PCDHGA9: variants seen among roughly 807,000 people sequenced by gnomAD.
PCDHGA9 encodes the protein protocadherin gamma-A9.
A neutral mutation model predicts 62.5 loss-of-function variants in PCDHGA9; 37 were observed. The ratio of observed to expected loss-of-function variants is 0.59; its 90% CI spans 0.46 to 0.78. PCDHGA9 has a LOEUF of 0.78. Among genes scored for constraint, PCDHGA9 ranks in the 30% least tolerant of loss-of-function variants. PCDHGA9 has a pLI of 0.00. For missense variants in PCDHGA9, 1,138 were observed against 1,166.2 expected (o/e 0.98, Z 0.35); for synonymous variants, 459 against 484.6 (o/e 0.95, Z 0.69).
chr5:141,484,709 C>G (rs1223957454), intron 1 of PCDHGA9, among the ~76,000 whole-genome samples: 1 of 151,072 alleles, frequency 6.6e-6, no homozygotes, highest in Non-Finnish European at 1.5e-5. Context: ...TTTTCCCCGC[C>G]GAAAAGGGGC....
intron 1 of PCDHGA9, among the ~76,000 whole-genome samples, chr5:141,447,233 G>A (rs565398752): frequency 2.6e-5 from 4 of 152,028 alleles, no homozygotes; most frequent in Non-Finnish European, 4.4e-5. Flanking sequence ...TCCGCCTCCC[G>A]GGTTCAAGTG....
chr5:141,453,287 A>T (rs900058377), intron 1 of PCDHGA9, among the ~76,000 whole-genome samples: 1 of 151,368 alleles, frequency 6.6e-6, no homozygotes, highest in Non-Finnish European at 1.5e-5. Context: ...CTAATTTTTT[A>T]ATTATTTATT....
chr5:141,490,009 A>T lies in PCDHGA9; in HGVS notation c.2425-4798A>T. Reference sequence around the variant, plus strand: ...TGTGGGAATCCCAGAGAATGCACCCATTGGTACTCTGCTGCTCCGCCTCAA... The same window carrying T: ...TGTGGGAATCCCAGAGAATGCACCCTTTGGTACTCTGCTGCTCCGCCTCAA... On this transcript the variant is annotated intron_variant, in intron 1 of 3. Transcript: ENST00000573521. The surrounding 1 kb of genome is among the most constrained non-coding windows in gnomAD (Gnocchi z 5.4). 5 of 1,614,214 alleles carry T rather than the reference A, an allele frequency of 3.1e-6. No individual in the cohort carries two copies. The highest frequency in any genetic ancestry group is 4.2e-6 in the Non-Finnish European group (5 of 1,180,032).
chr5:141,494,468 C>G (rs2099754577), intron 1 of PCDHGA9, among the ~76,000 whole-genome samples: 1 of 152,136 alleles, frequency 6.6e-6, no homozygotes, highest in East Asian at 1.9e-4. Context: ...TGCACCTCTT[C>G]CCCCAGTTCC....
At position 141,410,750 on chromosome 5, in the gene PCDHGA9, A is replaced by G. The variant is rs1256862831; in HGVS notation, c.2424+5374A>G. Reference sequence around the variant, plus strand: ...CATAGCTTTTTACAATATTTTCTCAATGTTTTTTCAATTATAGTTTTCACT... The same window carrying G: ...CATAGCTTTTTACAATATTTTCTCAGTGTTTTTTCAATTATAGTTTTCACT... On this transcript the variant is annotated intron_variant, in intron 1 of 3. Coordinates refer to ENST00000573521, the MANE Select transcript of PCDHGA9 (RefSeq NM_018921.3). 23 of 1,243,022 alleles carry G rather than the reference A, an allele frequency of 1.9e-5. No homozygotes were observed. The East Asian group carries it at 4.4e-4, about 24-fold the overall frequency. 77.0% of individuals were successfully genotyped at this position (1,243,022 alleles called of 1,614,324 possible). A position where few individuals can be genotyped will look rare whatever the true frequency, so the allele number is the denominator to read the frequency against.
At chr5:141,488,083 C>T (rs917074240) in intron 1 of PCDHGA9, among the ~76,000 whole-genome samples, 1 of 152,152 alleles carries the variant, frequency 6.6e-6, no homozygotes, top group African/African-American at 2.4e-5. Context: ...GTATCTAGTA[C>T]ACTGTGAAGG....
In PCDHGA9 at chr5:141,408,872, G is replaced by T. The variant is rs752537671; in HGVS notation, c.2424+3496G>T. 3.1e-6 allele frequency: 5 copies of T among 1,613,448 alleles called. No individual in the cohort carries two copies. The highest frequency in any genetic ancestry group is 4.2e-6 in the Non-Finnish European group (5 of 1,179,760). Reference sequence around the variant, plus strand: ...GGACGGAGGGGACCCACCAAGAAGTGCCACCGCTCACATAGAAATTTCTGT... The same window carrying T: ...GGACGGAGGGGACCCACCAAGAAGTTCCACCGCTCACATAGAAATTTCTGT... On this transcript the variant is annotated intron_variant, in intron 1 of 3. Transcript: ENST00000573521.
chr5:141,487,802 C>G lies in PCDHGA9; in HGVS notation c.2425-7005C>G. On this transcript the variant is annotated intron_variant, in intron 1 of 3. Transcript: ENST00000573521. The surrounding 1 kb of genome is among the most constrained non-coding windows in gnomAD (Gnocchi z 5.0). ...TTTCGTGAATTAACCAGAGTTGTCACAGTTTAGCATTGGGGGCGGGTCATG... is the reference window on the plus strand; with the variant it reads ...TTTCGTGAATTAACCAGAGTTGTCAGAGTTTAGCATTGGGGGCGGGTCATG... 6.8e-7 allele frequency: 1 copy of G among 1,477,424 alleles called. No homozygotes were observed. The allele number at this position is 1,477,424 out of a possible 1,614,324, so 91.5% of individuals were successfully genotyped here.
intron 3 of PCDHGA9, 99 bp from the exon 4 acceptor site, chr5:141,510,848 G>A: frequency 6.3e-7 from 1 of 1,596,080 alleles, no homozygotes. Flanking sequence ...TCAAGGCCCA[G>A]GGTGCTGTAT....
chr5:141,414,783 G>C, intron 1 of PCDHGA9: 2 of 1,614,220 alleles, frequency 1.2e-6, no homozygotes, highest in Non-Finnish European at 1.7e-6. Context: ...AGATGCAGGT[G>C]ACAGCCAGCG....
intron 1 of PCDHGA9, among the ~76,000 whole-genome samples, chr5:141,454,209 T>A (rs2098783885): frequency 6.6e-6 from 1 of 152,088 alleles, no homozygotes; most frequent in South Asian, 2.1e-4. Flanking sequence ...TTTATTGACA[T>A]GAATGAGAAA....
At chr5:141,419,124 T>A in intron 1 of PCDHGA9, 1 of 1,613,798 alleles carries the variant, frequency 6.2e-7, no homozygotes, top group Non-Finnish European at 8.5e-7. Context: ...AACGTCACCA[T>A]CGCAGCCACA....
intron 1 of PCDHGA9, chr5:141,433,358 CCTATCTATCTATCTAT>C (rs3074541): frequency 2.0e-4 from 99 of 504,042 alleles, no homozygotes; most frequent in East Asian, 3.1e-4. Flanking sequence ...CTACTGTCTG[CCTATCTATCTATCTAT>C]CTATCTATCT....
intron 1 of PCDHGA9, chr5:141,442,112 C>CTCG (rs2098300474): frequency 6.0e-6 from 1 of 166,158 alleles, no homozygotes; most frequent in Admixed American, 6.5e-5. Context: ...ACTACCGCCC[C>CTCG]TCGTCGCCGA....
chr5:141,408,568 G>A (rs1282391205), intron 1 of PCDHGA9: 2 of 1,613,936 alleles, frequency 1.2e-6, no homozygotes, highest in African/African-American at 2.7e-5. Flanking sequence ...TCATTGTGGT[G>A]ATTGAGGATG....
At chr5:141,454,311 T>G (rs755771201) in intron 1 of PCDHGA9, among the ~76,000 whole-genome samples, 6 of 152,216 alleles carry the variant, frequency 3.9e-5, no homozygotes, top group Admixed American at 2.6e-4. Context: ...TTTCAAAGCA[T>G]TGAAACCTCC....
intron 1 of PCDHGA9, chr5:141,418,991 G>A (rs1335937354): frequency 6.2e-7 from 1 of 1,613,836 alleles, no homozygotes. Context: ...AGACTCAGGG[G>A]AAAATGGGGA....
intron 2 of PCDHGA9, among the ~76,000 whole-genome samples, chr5:141,504,802 C>G (rs370355030): frequency 6.6e-6 from 1 of 152,030 alleles, no homozygotes; most frequent in East Asian, 1.9e-4. Context: ...ACATCTCCCC[C>G]TAGGTACCTC....
chr5:141,431,839 T>A lies in PCDHGA9; in HGVS notation c.2424+26463T>A. The A allele has an allele frequency of 1.2e-6, 2 of 1,614,198 alleles. No individual in the cohort carries two copies. The highest frequency in any genetic ancestry group is 1.7e-6 in the Non-Finnish European group (2 of 1,180,028). The stretch of plus-strand genomic sequence containing the variant: ...TCGCCAGCTCGGTTCCCGAAAACTC[T>A]CCCAGAGGGACATTAATTGCCCTTT... On this transcript the variant is annotated intron_variant, in intron 1 of 3. Coordinates refer to ENST00000573521, the MANE Select transcript of PCDHGA9 (RefSeq NM_018921.3). This position sits in a 1 kb window ranked among gnomAD's most constrained non-coding sequence, Gnocchi z 4.8.
Sources: gnomAD v4.1 joint callset for allele counts (sites outside exome capture counted in the v4.1 genomes callset) on GRCh38, gnomAD v4.1.1 for gene constraint, Gnocchi (gnomAD v3.1) non-coding constraint, MANE v1.5 for transcripts, NCBI Gene and HGNC (gene_info 2026-07-23, HGNC 2026-07-21) for gene names.